Variants in PCDH9 observed in about 807,000 individuals in gnomAD.
PCDH9 encodes protocadherin-9.
PCDH9 carries 24 observed loss-of-function variants against 70.6 expected under a neutral mutation model. The ratio of observed to expected loss-of-function variants is 0.34; its 90% CI spans 0.25 to 0.48. The LOEUF (loss-of-function observed/expected upper bound fraction) is 0.48, where lower values mean the gene tolerates loss of function less well. PCDH9 is among the 20% of genes least tolerant of loss of function. The pLI is 0.99. For synonymous variants in PCDH9, 562 were observed against 558.5 expected (o/e 1.01, Z -0.09); for missense variants, 1,281 against 1,503.6 (o/e 0.85, Z 2.45).
At position 66,849,511 on chromosome 13, in the gene PCDH9, TATATATAGAG is replaced by T. The variant is rs1172225690; in HGVS notation, c.3138+53983_3138+53992del. 1.5e-4 allele frequency among the ~76,000 whole-genome samples: 12 copies of T among 82,174 alleles called. No individual in the cohort carries two copies. The South Asian group carries it at 2.4e-3, about 17-fold the overall frequency. 53.9% of individuals were successfully genotyped at this position (82,174 alleles called of 152,430 possible). A position where few individuals can be genotyped will look rare whatever the true frequency, so the allele number is the denominator to read the frequency against. On this transcript the variant is annotated intron_variant, in intron 3 of 4. Transcript: ENST00000377865. Reference sequence around the variant, plus strand: ...GTATATATATATATATATATATATATATATATAGAGAGAGAGAGAGAGAGAGAGAGAGAGA... The same window carrying T: ...GTATATATATATATATATATATATATAGAGAGAGAGAGAGAGAGAGAGAGA...
intron 4 of PCDH9, among the ~76,000 whole-genome samples, chr13:66,596,074 A>G (rs1209742050): frequency 6.6e-6 from 1 of 151,718 alleles, no homozygotes; most frequent in Non-Finnish European, 1.5e-5. Flanking sequence ...CATTACAAAC[A>G]AAACCAGAAT....
At chr13:66,648,796 A>G (rs1272957610) in intron 3 of PCDH9, among the ~76,000 whole-genome samples, 2 of 152,200 alleles carry the variant, frequency 1.3e-5, no homozygotes, top group African/African-American at 4.8e-5. Flanking sequence ...GATTCAAAAT[A>G]GCTATTTTTA....
chr13:66,791,993 T>C (rs2080171029), intron 3 of PCDH9, among the ~76,000 whole-genome samples: 1 of 152,172 alleles, frequency 6.6e-6, no homozygotes, highest in Non-Finnish European at 1.5e-5. Flanking sequence ...AATTTTATAA[T>C]AAAAATCAAT....
chr13:66,656,876 C>T (rs2077938080), intron 3 of PCDH9, among the ~76,000 whole-genome samples: 1 of 152,052 alleles, frequency 6.6e-6, no homozygotes, highest in Non-Finnish European at 1.5e-5. Context: ...TCGTGGATTC[C>T]AAGACGCTTG....
intron 2 of PCDH9, among the ~76,000 whole-genome samples, chr13:66,977,745 T>TA (rs2083650714): frequency 6.6e-6 from 1 of 152,098 alleles, no homozygotes; most frequent in Admixed American, 6.6e-5. Flanking sequence ...CAGATCATCC[T>TA]AAAAGCAGCA....
At chr13:66,713,623 GTGTATATATATATATATA>G (rs1254033232) in intron 3 of PCDH9, among the ~76,000 whole-genome samples, 6 of 93,032 alleles carry the variant, frequency 6.4e-5, no homozygotes, top group South Asian at 4.1e-4. Flanking sequence ...GTGTGTGTGT[GTGTATATATATATATATA>G]TATATATATA....
chr13:66,567,932 T>A (rs1012109432), intron 4 of PCDH9, among the ~76,000 whole-genome samples: 4 of 152,170 alleles, frequency 2.6e-5, no homozygotes, highest in Non-Finnish European at 4.4e-5. Context: ...TTCTCATTTA[T>A]ATTCCACTAG....
chr13:67,096,380 T>C (rs1297244272), intron 2 of PCDH9, among the ~76,000 whole-genome samples: 2 of 152,338 alleles, frequency 1.3e-5, no homozygotes, highest in East Asian at 3.9e-4. Flanking sequence ...CAGAATTTAC[T>C]AAAACTATTA....
At chr13:66,338,010 C>T (rs976608669) in intron 4 of PCDH9, among the ~76,000 whole-genome samples, 4 of 152,052 alleles carry the variant, frequency 2.6e-5, no homozygotes, top group Non-Finnish European at 5.9e-5. Context: ...TCAGATGGAC[C>T]TGGCTCCAGA....
intron 3 of PCDH9, among the ~76,000 whole-genome samples, chr13:66,837,783 T>C (rs1007568021): frequency 2.6e-5 from 4 of 152,160 alleles, no homozygotes; most frequent in Admixed American, 6.5e-5. Context: ...CTATGAGGTA[T>C]TGGTAATATT....
intron 3 of PCDH9, among the ~76,000 whole-genome samples, chr13:66,688,006 T>C (rs112791508): frequency 0.011 from 1,729 of 152,218 alleles, 37 homozygotes; most frequent in African/African-American, 0.039. Context: ...TTCTCCTTAA[T>C]GGTTTTTTGT....
chr13:66,738,252 G>C (rs1340199416), intron 3 of PCDH9, among the ~76,000 whole-genome samples: 1 of 150,690 alleles, frequency 6.6e-6, no homozygotes. Flanking sequence ...CACACGGCAG[G>C]GTATTCCAAC....
intron 3 of PCDH9, among the ~76,000 whole-genome samples, chr13:66,894,219 C>T (rs907247865): frequency 2.0e-5 from 3 of 151,790 alleles, no homozygotes; most frequent in South Asian, 4.2e-4. Flanking sequence ...TTCTTTTTAA[C>T]GACTTAATCT....
chr13:67,125,770 A>G (rs17082149), intron 2 of PCDH9, among the ~76,000 whole-genome samples: 7,525 of 151,944 alleles, frequency 0.05, 279 homozygotes, highest in East Asian at 0.14. Context: ...TTTATTTAAC[A>G]TTGTCACAGG....
chr13:67,049,135 A>G (rs906840540), intron 2 of PCDH9, among the ~76,000 whole-genome samples: 1 of 152,208 alleles, frequency 6.6e-6, no homozygotes, highest in Non-Finnish European at 1.5e-5. Flanking sequence ...TGTTCTAATG[A>G]AAAGTGCCTT....
intron 2 of PCDH9, among the ~76,000 whole-genome samples, chr13:66,910,016 C>A (rs1046914091): frequency 2.6e-5 from 4 of 152,114 alleles, no homozygotes; most frequent in Admixed American, 1.3e-4. Context: ...CTCATCAATT[C>A]CTCTATGTAA....
chr13:66,711,606 C>T (rs548375558), intron 3 of PCDH9, among the ~76,000 whole-genome samples: 3 of 152,124 alleles, frequency 2.0e-5, no homozygotes, highest in South Asian at 2.1e-4. Context: ...CATAAAAGAT[C>T]GTAAGACCCA....
At chr13:67,003,191 T>C (rs1325781649) in intron 2 of PCDH9, among the ~76,000 whole-genome samples, 3 of 152,152 alleles carry the variant, frequency 2.0e-5, no homozygotes, top group Non-Finnish European at 4.4e-5. Context: ...GGTAAGTGTA[T>C]ATGATTTAGA....
intron 2 of PCDH9, among the ~76,000 whole-genome samples, chr13:67,007,803 T>C (rs1167217533): frequency 6.6e-6 from 1 of 152,164 alleles, no homozygotes; most frequent in Non-Finnish European, 1.5e-5. Flanking sequence ...GGTTAACACT[T>C]TTCTCCAGGT....
Sources: gnomAD v4.1 joint callset for allele counts (sites outside exome capture counted in the v4.1 genomes callset) on GRCh38, gnomAD v4.1.1 for gene constraint, MANE v1.5 for transcripts, NCBI Gene and HGNC (gene_info 2026-07-23, HGNC 2026-07-21) for gene names.